The following PRKCA variants were observed in gnomAD, a reference collection of about 807,000 sequenced individuals.
The protein encoded by PRKCA is protein kinase C alpha type.
In PRKCA, 27 loss-of-function variants were observed where a neutral mutation model predicts 87.0. The observed-to-expected ratio is 0.31, with a 90% CI of 0.23 to 0.43. The LOEUF is 0.43. PRKCA is among the 20% of genes least tolerant of loss of function. PRKCA has a pLI of 1.00. For missense variants in PRKCA, 518 were observed against 852.3 expected (o/e 0.61, Z 4.88); for synonymous variants, 329 against 311.1 (o/e 1.06, Z -0.61).
At chr17:66,582,155 G>A (rs551058965) in intron 3 of PRKCA, among the ~76,000 whole-genome samples, 5 of 152,150 alleles carry the variant, frequency 3.3e-5, no homozygotes, top group African/African-American at 4.8e-5. Flanking sequence ...CATTTGCGTC[G>A]TGTATAGTAA....
chr17:66,785,229 A>C (rs1975350922), intron 14 of PRKCA, among the ~76,000 whole-genome samples: 1 of 152,054 alleles, frequency 6.6e-6, no homozygotes, highest in African/African-American at 2.4e-5. Flanking sequence ...TTGGATGAAC[A>C]GGTTGAGGTG....
At chr17:66,734,317 A>G (rs1259724531) in intron 9 of PRKCA, among the ~76,000 whole-genome samples, 1 of 152,216 alleles carries the variant, frequency 6.6e-6, no homozygotes, top group Non-Finnish European at 1.5e-5. Context: ...GAGTATACTT[A>G]GAGGTATTTC....
intron 2 of PRKCA, among the ~76,000 whole-genome samples, chr17:66,440,988 C>G (rs1228784981): frequency 6.6e-6 from 1 of 151,884 alleles, no homozygotes; most frequent in Non-Finnish European, 1.5e-5. Context: ...ATGGTGAACC[C>G]TGTCTCTACT....
At chr17:66,682,064 G>A (rs1972509321) in intron 5 of PRKCA, among the ~76,000 whole-genome samples, 1 of 152,160 alleles carries the variant, frequency 6.6e-6, no homozygotes, top group Non-Finnish European at 1.5e-5. Flanking sequence ...GCGAGCTGAG[G>A]AGCAGCCCAT....
chr17:66,756,575 T>C (rs753980034), intron 13 of PRKCA, among the ~76,000 whole-genome samples: 31 of 151,974 alleles, frequency 2.0e-4, no homozygotes, highest in Non-Finnish European at 8.8e-5. Flanking sequence ...AGAAAGCAAT[T>C]TGAAGAGATG....
Position 66,736,386 on chromosome 17 carries a change from T to C in PRKCA, c.1230+724T>C, listed in dbSNP as rs1264087873. 2.0e-5 allele frequency among the ~76,000 whole-genome samples: 3 copies of C among 151,972 alleles called. No individual in the cohort carries two copies. The East Asian group carries it at 5.8e-4, about 29-fold the overall frequency. On this transcript the variant is annotated intron_variant, in intron 10 of 16. Coordinates refer to ENST00000413366, the MANE Select transcript of PRKCA (RefSeq NM_002737.3). ...TCCACCTCCCAGGCTCAAGGGATTC[T>C]CCTGCCTCAGCCTCTCGAGTAGCTG...
intron 3 of PRKCA, among the ~76,000 whole-genome samples, chr17:66,508,730 C>T (rs1917084662): frequency 6.6e-6 from 1 of 152,186 alleles, no homozygotes; most frequent in African/African-American, 2.4e-5. Context: ...TCTCCATCTC[C>T]ATAGCCACTG....
intron 2 of PRKCA, among the ~76,000 whole-genome samples, chr17:66,471,368 G>A (rs769755470): frequency 1.1e-4 from 16 of 152,198 alleles, no homozygotes; most frequent in South Asian, 2.1e-4. Context: ...TTGGATGTGC[G>A]TTGTGTCTGT....
At chr17:66,596,571 C>CTTT (rs10582567) in intron 3 of PRKCA, among the ~76,000 whole-genome samples, 2,691 of 113,742 alleles carry the variant, frequency 0.024, 103 homozygotes, top group African/African-American at 0.072. Context: ...AATATTAAAC[C>CTTT]TTTTTTTTTT....
chr17:66,321,126 A>G (rs1390947667), intron 2 of PRKCA, among the ~76,000 whole-genome samples: 2 of 152,226 alleles, frequency 1.3e-5, no homozygotes, highest in African/African-American at 4.8e-5. Flanking sequence ...GCTTTTTTCA[A>G]TGTTTATTTT....
chr17:66,786,138 T>G (rs1448195482), intron 14 of PRKCA, among the ~76,000 whole-genome samples: 2 of 152,334 alleles, frequency 1.3e-5, no homozygotes, highest in East Asian at 1.9e-4. Context: ...TGGAGAACTG[T>G]GTTTTAAAGA....
chr17:66,535,404 T>G (rs1805858257), intron 3 of PRKCA, among the ~76,000 whole-genome samples: 1 of 152,204 alleles, frequency 6.6e-6, no homozygotes, highest in African/African-American at 2.4e-5. Context: ...AGATATGTAT[T>G]GATGTCTTGT....
intron 2 of PRKCA, among the ~76,000 whole-genome samples, chr17:66,347,738 T>C (rs1028557646): frequency 2.0e-5 from 3 of 152,104 alleles, no homozygotes; most frequent in Non-Finnish European, 4.4e-5. Context: ...TTTTCTAAGA[T>C]TGTGTTTTTC....
chr17:66,450,709 T>C (rs550216353), intron 2 of PRKCA, among the ~76,000 whole-genome samples: 4 of 152,310 alleles, frequency 2.6e-5, no homozygotes, highest in Admixed American at 2.6e-4. Context: ...GGTAGGCGTC[T>C]GCTTTCACAG....
chr17:66,774,920 T>C, intron 14 of PRKCA: 1 of 985,432 alleles, frequency 1.0e-6, no homozygotes, highest in East Asian at 1.1e-4. Flanking sequence ...TCTTATGATG[T>C]GACATGTACC....
chr17:66,790,352 G>T (rs920749760), intron 16 of PRKCA, among the ~76,000 whole-genome samples: 1 of 152,158 alleles, frequency 6.6e-6, no homozygotes, highest in Non-Finnish European at 1.5e-5. Flanking sequence ...TTTCAAATAA[G>T]GCCCTTTTGT....
intron 3 of PRKCA, among the ~76,000 whole-genome samples, chr17:66,497,343 C>A (rs1459229972): frequency 6.6e-6 from 1 of 151,906 alleles, no homozygotes; most frequent in Non-Finnish European, 1.5e-5. Context: ...ACTAAAAATA[C>A]AAAATTAGCT....
At chr17:66,777,463 A>C (rs1258507002) in intron 14 of PRKCA, 30 of 939,486 alleles carry the variant, frequency 3.2e-5, no homozygotes, top group Non-Finnish European at 3.6e-5. Flanking sequence ...TCTTAGGCCA[A>C]ATACGTCCGG....
intron 13 of PRKCA, among the ~76,000 whole-genome samples, chr17:66,769,739 C>A (rs1303259499): frequency 6.6e-6 from 1 of 152,178 alleles, no homozygotes; most frequent in East Asian, 1.9e-4. Context: ...TTTTCTTAGA[C>A]TATTATTTTA....
Sources: gnomAD v4.1 joint callset for allele counts (sites outside exome capture counted in the v4.1 genomes callset) on GRCh38, gnomAD v4.1.1 for gene constraint, MANE v1.5 for transcripts, NCBI Gene and HGNC (gene_info 2026-07-23, HGNC 2026-07-21) for gene names.